The following N4BP3 variants were observed in gnomAD, a reference collection of about 807,000 sequenced individuals.
N4BP3 encodes the protein NEDD4-binding protein 3.
In N4BP3, 33 loss-of-function variants were observed where a neutral mutation model predicts 43.8. That is an observed-to-expected ratio of 0.75 (90% CI 0.57 to 1.01). N4BP3 has a LOEUF of 1.01. Among genes scored for constraint, N4BP3 ranks in the 50% least tolerant of loss-of-function variants. The pLI is 0.00. For missense variants in N4BP3, 756 were observed against 744.2 expected, an observed-to-expected ratio of 1.02 and a Z score of -0.18; for synonymous variants, 326 against 321.9, an observed-to-expected ratio of 1.01 and a Z score of -0.14.
chr5:178,121,062 C>A, intron 3 of N4BP3, 36 bp from the exon 4 acceptor site: 1 of 1,584,698 alleles, frequency 6.3e-7, no homozygotes, highest in Admixed American at 1.7e-5. Flanking sequence ...CTCTAGGGGG[C>A]AGGGCCACGG....
chr5:178,115,496 C>T (rs1413781118), intron 1 of N4BP3, among the ~76,000 whole-genome samples: 1 of 152,178 alleles, frequency 6.6e-6, no homozygotes, highest in East Asian at 1.9e-4. Flanking sequence ...AGGCAGCACT[C>T]CTGCCCATGT....
rs1758055040 is a variant in N4BP3, at chr5:178,125,963, A to T, written c.*3962A>T. 6.6e-6 allele frequency: 1 copy of T among 152,204 alleles called. No homozygotes were observed. Among genetic ancestry groups the T allele is most frequent in the Admixed American group, 6.5e-5 (1 of 15,276 alleles). The allele number at this position is 152,204 out of a possible 1,614,324, so 9.4% of individuals were successfully genotyped here. On this transcript the variant is annotated 3_prime_UTR_variant, in exon 5 of 5. Coordinates refer to ENST00000274605, the MANE Select transcript of N4BP3 (RefSeq NM_015111.2). Reference sequence around the variant, plus strand: ...TATGTAATATTAGAACATATTACAAAGTAGCAAGAAAAATACGACATTGGT... The same window carrying T: ...TATGTAATATTAGAACATATTACAATGTAGCAAGAAAAATACGACATTGGT...
chr5:178,121,212 C>T lies in N4BP3; in HGVS notation c.967C>T (p.Leu323=). 6.2e-7 allele frequency: 1 copy of T among 1,602,910 alleles called. No individual in the cohort carries two copies. The highest frequency in any genetic ancestry group is 8.5e-7 in the Non-Finnish European group (1 of 1,176,532). ...ERSERNLQLQ[L]FMAQQEQRRL... ...CAGCGAGCGCAACCTCCAGCTGCAGCTGTTTATGGCTCAGCAGGAGCAGCG... is the reference window on the plus strand; with the variant it reads ...CAGCGAGCGCAACCTCCAGCTGCAGTTGTTTATGGCTCAGCAGGAGCAGCG... Residue 323 remains leucine, a synonymous_variant, in exon 4 of 5, where the codon CTG becomes TTG. Coordinates refer to ENST00000274605, the MANE Select transcript of N4BP3 (RefSeq NM_015111.2).
In N4BP3 at chr5:178,125,730, A is replaced by C. The variant is rs531860369; in HGVS notation, c.*3729A>C. The C allele has an allele frequency of 1.3e-5, 2 of 152,318 alleles. No homozygotes were observed. Among genetic ancestry groups the C allele is most frequent in the East Asian group, 3.9e-4 (2 of 5,188 alleles). The allele number at this position is 152,318 out of a possible 1,614,324, so 9.4% of individuals were successfully genotyped here. On this transcript the variant is annotated 3_prime_UTR_variant, in exon 5 of 5. Transcript: ENST00000274605. ...CATGGTTTCATTTTGCTTTGGGCTT[A>C]CTTAGAGTTTTGGCAAATGCAGAGT...
Position 178,125,659 on chromosome 5 carries a change from A to G in N4BP3, c.*3658A>G, listed in dbSNP as rs1758044754. The G allele has an allele frequency of 6.6e-6, 1 of 152,256 alleles. No homozygotes were observed. The highest frequency in any genetic ancestry group is 2.4e-5 in the African/African-American group (1 of 41,468). 9.4% of individuals were successfully genotyped at this position (152,256 alleles called of 1,614,324 possible). On this transcript the variant is annotated 3_prime_UTR_variant, in exon 5 of 5. Transcript: ENST00000274605. Reference sequence around the variant, plus strand: ...TCACGAGAGGAGAGGCTGGAGGGCCATGGGAGTTCCCAGCTGGCTCACTCA... The same window carrying G: ...TCACGAGAGGAGAGGCTGGAGGGCCGTGGGAGTTCCCAGCTGGCTCACTCA...
chr5:178,121,306 C>T lies in N4BP3; in HGVS notation c.1061C>T (p.Pro354Leu). ...GAGCCTCGGGCCCCCGGCACCCTCC[C>T]AGAGGCTGACCCCAGTGCACGACCA... ...APEPRAPGTL[P>L]EADPSARPEE... Residue 354 changes from proline (P) to leucine (L), a missense_variant, in exon 4 of 5, where the codon CCA (proline) becomes CTA (leucine). Transcript: ENST00000274605. 1 of 1,605,838 alleles carries T rather than the reference C, an allele frequency of 6.2e-7. No homozygotes were observed.
Position 178,120,431 on chromosome 5 carries a change from G to T in N4BP3, c.584G>T (p.Gly195Val). Residue 195 changes from glycine (G) to valine (V), a missense_variant, in exon 3 of 5, where the codon GGT (glycine) becomes GTT (valine). By Grantham distance (109) the Gly-to-Val change is moderately radical. Transcript: ENST00000274605. ...AGCCTGTCCGACTCCTCCAGTGGGGGTAGTTTTGGTCGCAGTCCTGGTACT... is the reference window on the plus strand; with the variant it reads ...AGCCTGTCCGACTCCTCCAGTGGGGTTAGTTTTGGTCGCAGTCCTGGTACT... ...EPSLSDSSSG[G>V]SFGRSPGTGP... is the part of the protein sequence containing the mutation. 1 of 1,613,042 alleles carries T rather than the reference G, an allele frequency of 6.2e-7. No individual in the cohort carries two copies. Among genetic ancestry groups the T allele is most frequent in the Non-Finnish European group, 8.5e-7 (1 of 1,180,000 alleles).
chr5:178,122,165 G>T lies in N4BP3; in HGVS notation c.*164G>T. 3.3e-6 allele frequency: 3 copies of T among 908,562 alleles called. No homozygotes were observed. The highest frequency in any genetic ancestry group is 4.8e-6 in the Non-Finnish European group (3 of 625,586). 56.3% of individuals were successfully genotyped at this position (908,562 alleles called of 1,614,324 possible). On this transcript the variant is annotated 3_prime_UTR_variant, in exon 5 of 5. Coordinates refer to ENST00000274605, the MANE Select transcript of N4BP3 (RefSeq NM_015111.2). ...CCAGTGGGGCCGTGGGCTGGGTAGG[G>T]TGCCTTGGCAGGAGCCAGGACAAGG...
chr5:178,115,194 C>T (rs1394610158), intron 1 of N4BP3, among the ~76,000 whole-genome samples: 2 of 152,244 alleles, frequency 1.3e-5, no homozygotes, highest in East Asian at 1.9e-4. Flanking sequence ...AAACTGTAGA[C>T]TGCGGTGCAG....
At position 178,123,946 on chromosome 5, in the gene N4BP3, A is replaced by G. The variant is rs1395116190; in HGVS notation, c.*1945A>G. The G allele has an allele frequency of 6.5e-6, 1 of 152,886 alleles. No individual in the cohort carries two copies. Among genetic ancestry groups the G allele is most frequent in the Non-Finnish European group, 1.5e-5 (1 of 68,268 alleles). The allele number at this position is 152,886 out of a possible 1,614,324, so 9.5% of individuals were successfully genotyped here. A position where few individuals can be genotyped will look rare whatever the true frequency, so the allele number is the denominator to read the frequency against. On this transcript the variant is annotated 3_prime_UTR_variant, in exon 5 of 5. Transcript: ENST00000274605. ...GAGCTCCTGTCTGCCTGAGGAGGGA[A>G]AGGGGGAGTGGCCAGGTCAGGCAGG...
At position 178,121,166 on chromosome 5, in the gene N4BP3, G is replaced by A. The variant is rs753021694; in HGVS notation, c.921G>A (p.Glu307=). The part of the protein sequence containing the change: ...LKRLYVERLH[E]VTQKAERSER... ...GCCTGTATGTGGAGCGGCTGCACGA[G>A]GTGACCCAGAAGGCTGAGCGCAGCG... The change falls in exon 4 of 5, where the codon GAG becomes GAA. Residue 307 remains glutamate (E), a synonymous_variant. Transcript: ENST00000274605. The A allele has an allele frequency of 6.2e-7, 1 of 1,601,630 alleles. No individual in the cohort carries two copies. Among genetic ancestry groups the A allele is most frequent in the Admixed American group, 1.7e-5 (1 of 59,194 alleles).
chr5:178,116,409 C>G (rs1318781265), intron 1 of N4BP3, among the ~76,000 whole-genome samples: 1 of 151,678 alleles, frequency 6.6e-6, no homozygotes, highest in Non-Finnish European at 1.5e-5. Context: ...CCAGGAGGGG[C>G]ACAGTGGGGA....
Position 178,120,603 on chromosome 5 carries a change from C to G in N4BP3, c.756C>G (p.Cys252Trp). ...PEPPPPYEFSCSSAEEMGAVL... is the reference protein window; with the variant it reads ...PEPPPPYEFSWSSAEEMGAVL... The stretch of plus-strand genomic sequence containing the variant: ...CACCACCCCCCTACGAGTTCTCCTG[C>G]TCCTCTGCCGAGGAAATGGGAGCCG... Residue 252 changes from cysteine (C) to tryptophan (W), a missense_variant, in exon 3 of 5, where the codon TGC becomes TGG. Coordinates refer to ENST00000274605, the MANE Select transcript of N4BP3 (RefSeq NM_015111.2). The G allele has an allele frequency of 6.2e-7, 1 of 1,612,126 alleles. No individual in the cohort carries two copies.
rs760720471 is a variant in N4BP3 at position 178,121,799 on chromosome 5, G to T, written c.1433G>T (p.Arg478Leu). ...LRAELLQERL[R>L]GQEQALRFEQ... Reference sequence around the variant, plus strand: ...GCTGAGCTGCTGCAGGAGCGACTTCGGGGCCAGGAGCAGGCGCTGCGCTTT... The same window carrying T: ...GCTGAGCTGCTGCAGGAGCGACTTCTGGGCCAGGAGCAGGCGCTGCGCTTT... Residue 478 changes from arginine to leucine, a missense_variant, in exon 5 of 5, where the codon CGG (arginine) becomes CTG (leucine). Coordinates refer to ENST00000274605, the MANE Select transcript of N4BP3 (RefSeq NM_015111.2). 6 of 1,608,880 alleles carry T rather than the reference G, an allele frequency of 3.7e-6. No homozygotes were observed. The South Asian group carries it at 5.5e-5, about 15-fold the overall frequency.
At chr5:178,114,440 C>G (rs1039587794) in intron 1 of N4BP3, among the ~76,000 whole-genome samples, 1 of 152,204 alleles carries the variant, frequency 6.6e-6, no homozygotes, top group Non-Finnish European at 1.5e-5. Flanking sequence ...CCAGAGCACC[C>G]GGTCCAGTCC....
chr5:178,121,081 T>C lies in N4BP3; in HGVS notation c.853-17T>C, dbSNP rs767410953. On this transcript the variant is annotated splice_polypyrimidine_tract_variant and intron_variant, in intron 3 of 4. Coordinates refer to ENST00000274605, the MANE Select transcript of N4BP3 (RefSeq NM_015111.2). ...AGGGGGCAGGGCCACGGTGGATGCA[T>C]CTCTTCCCCTTGACAGGTGCTGGAG... 1.3e-6 allele frequency: 2 copies of C among 1,594,008 alleles called. No individual in the cohort carries two copies. Among genetic ancestry groups the C allele is most frequent in the East Asian group, 2.2e-5 (1 of 44,776 alleles).
At position 178,121,292 on chromosome 5, in the gene N4BP3, C is replaced by T. The variant is rs762928433; in HGVS notation, c.1047C>T (p.Ala349=). The change falls in exon 4 of 5, where the codon GCC becomes GCT. Residue 349 remains alanine (A), a synonymous_variant. Transcript: ENST00000274605. ...AQQGLAPEPR[A]PGTLPEADPS... The stretch of plus-strand genomic sequence containing the variant: ...AGGGCCTGGCTCCGGAGCCTCGGGC[C>T]CCCGGCACCCTCCCAGAGGCTGACC... 2.7e-5 allele frequency: 43 copies of T among 1,606,336 alleles called. 1 individual carries two copies. In the East Asian group the frequency reaches 4.5e-4, roughly 17 times the overall value.
Position 178,125,471 on chromosome 5 carries a change from G to A in N4BP3, c.*3470G>A, listed in dbSNP as rs1198809381. ...TGGGTACATTTCTCTGAGACTCACG[G>A]AATGTAAGTGTTGAGGTTTCTGCAA... On this transcript the variant is annotated 3_prime_UTR_variant, in exon 5 of 5. Transcript: ENST00000274605. 2.6e-5 allele frequency: 4 copies of A among 152,334 alleles called. No individual in the cohort carries two copies. Among genetic ancestry groups the A allele is most frequent in the African/African-American group, 9.6e-5 (4 of 41,468 alleles). The allele number at this position is 152,334 out of a possible 1,614,324, so 9.4% of individuals were successfully genotyped here.
In N4BP3 at chr5:178,121,960, C is replaced by T; in HGVS notation, c.1594C>T (p.Pro532Ser). ...EQELRALREP[P>S]TPWSPRLESS... ...GGAACTGCGGGCACTGCGGGAGCCC[C>T]CCACACCCTGGAGTCCCCGGCTCGA... is the stretch of plus-strand genomic sequence containing the variant. Residue 532 changes from proline to serine, a missense_variant, in exon 5 of 5, where the codon CCC becomes TCC. Transcript: ENST00000274605. 1 of 1,609,496 alleles carries T rather than the reference C, an allele frequency of 6.2e-7. No individual in the cohort carries two copies. The highest frequency in any genetic ancestry group is 8.5e-7 in the Non-Finnish European group (1 of 1,178,324).
Sources: gnomAD v4.1 joint callset for allele counts (sites outside exome capture counted in the v4.1 genomes callset) on GRCh38, gnomAD v4.1.1 for gene constraint, MANE v1.5 for transcripts, NCBI Gene and HGNC (gene_info 2026-07-23, HGNC 2026-07-21) for gene names.